FGF14: variants seen among roughly 807,000 people sequenced by gnomAD.
FGF14 encodes fibroblast growth factor homologous factor 4.
Under a neutral mutation model 25.5 loss-of-function variants are expected in FGF14, and 5 were observed. The ratio of observed to expected loss-of-function variants is 0.20; its 90% CI spans 0.10 to 0.41. FGF14 has a LOEUF of 0.41. FGF14 is among the 10% of genes least tolerant of loss of function. The probability of loss-of-function intolerance (pLI) is 1.00; values close to 1 mark genes in which losing one functional copy is unlikely to be tolerated. For synonymous variants in FGF14, 138 were observed against 118.3 expected (o/e 1.17, Z -1.08); for missense variants, 222 against 320.1 (o/e 0.69, Z 2.34).
intron 1 of FGF14, among the ~76,000 whole-genome samples, chr13:102,254,072 A>G (rs140336062): frequency 0.012 from 1,869 of 152,302 alleles, 16 homozygotes; most frequent in Non-Finnish European, 0.022. Flanking sequence ...TAAGGTTTCC[A>G]CCCCAGCAAG....
At chr13:101,859,799 T>G (rs749253676) in intron 3 of FGF14, among the ~76,000 whole-genome samples, 1 of 152,108 alleles carries the variant, frequency 6.6e-6, no homozygotes, top group Non-Finnish European at 1.5e-5. Flanking sequence ...ATGTAACTGC[T>G]GATCACCTCT....
chr13:102,310,105 T>C (rs1285702835), intron 1 of FGF14, among the ~76,000 whole-genome samples: 1 of 152,216 alleles, frequency 6.6e-6, no homozygotes, highest in Non-Finnish European at 1.5e-5. Context: ...CCTTCTATAA[T>C]AGCTCTGTCA....
At chr13:102,143,818 C>G (rs1358133022) in intron 1 of FGF14, among the ~76,000 whole-genome samples, 2 of 152,118 alleles carry the variant, frequency 1.3e-5, no homozygotes, top group African/African-American at 4.8e-5. Flanking sequence ...AGTGGATCTT[C>G]CAGAGCCTGG....
intron 1 of FGF14, among the ~76,000 whole-genome samples, chr13:102,267,920 A>G (rs2053067295): frequency 6.6e-6 from 1 of 152,130 alleles, no homozygotes; most frequent in African/African-American, 2.4e-5. Flanking sequence ...GAAGCTGGTT[A>G]GGTGAGCTGA....
chr13:102,332,637 T>C (rs570626227), intron 1 of FGF14, among the ~76,000 whole-genome samples: 4 of 152,202 alleles, frequency 2.6e-5, no homozygotes, highest in African/African-American at 2.4e-5. Context: ...TGTCCTCAAA[T>C]ACATCATCCA....
chr13:102,212,034 GCTCCTTCGTTTC>G (rs2050182500), intron 1 of FGF14, among the ~76,000 whole-genome samples: 2 of 152,068 alleles, frequency 1.3e-5, no homozygotes, highest in African/African-American at 4.8e-5. Context: ...AGCACTTAGG[GCTCCTTCGTTTC>G]CAGGTTTTCT....
chr13:101,990,935 C>T (rs577455475), intron 1 of FGF14, among the ~76,000 whole-genome samples: 145 of 152,142 alleles, frequency 9.5e-4, no homozygotes, highest in African/African-American at 3.3e-3. Context: ...ATCGACAGAA[C>T]ATCTAGCACA....
chr13:101,895,370 A>C (rs2138930927), intron 1 of FGF14, among the ~76,000 whole-genome samples: 1 of 152,314 alleles, frequency 6.6e-6, no homozygotes, highest in South Asian at 2.1e-4. Context: ...ATTTCAGTAT[A>C]TAAATCCAGG....
intron 3 of FGF14, among the ~76,000 whole-genome samples, chr13:101,854,983 T>C (rs2044048471): frequency 6.6e-6 from 1 of 152,006 alleles, no homozygotes; most frequent in South Asian, 2.1e-4. Flanking sequence ...TTTATGTGTG[T>C]ACCCTTCCCA....
At chr13:101,932,074 A>C (rs2034788738) in intron 1 of FGF14, among the ~76,000 whole-genome samples, 1 of 152,198 alleles carries the variant, frequency 6.6e-6, no homozygotes, top group Admixed American at 6.5e-5. Context: ...ATCTTTTCAA[A>C]GATTTTGTGG....
intron 3 of FGF14, among the ~76,000 whole-genome samples, chr13:101,803,820 A>G (rs2041043008): frequency 6.6e-6 from 1 of 152,188 alleles, no homozygotes; most frequent in Admixed American, 6.6e-5. Context: ...CACGAATTCA[A>G]TCTCAGACAT....
intron 1 of FGF14, among the ~76,000 whole-genome samples, chr13:102,030,272 C>T (rs1016982768): frequency 6.6e-6 from 1 of 152,026 alleles, no homozygotes; most frequent in East Asian, 1.9e-4. Context: ...AGTTAATATG[C>T]TTTTCTAATC....
intron 1 of FGF14, among the ~76,000 whole-genome samples, chr13:101,890,800 A>C (rs1369768290): frequency 3.3e-5 from 5 of 152,182 alleles, no homozygotes; most frequent in Admixed American, 6.5e-5. Context: ...CATCTGCAGC[A>C]CTGACTCCGG....
intron 1 of FGF14, among the ~76,000 whole-genome samples, chr13:102,003,795 T>C (rs1445083085): frequency 2.0e-5 from 3 of 152,106 alleles, no homozygotes; most frequent in Non-Finnish European, 4.4e-5. Flanking sequence ...AAAAATGGCA[T>C]CCTCTAGTTG....
At chr13:102,072,211 G>C (rs551988720) in intron 1 of FGF14, among the ~76,000 whole-genome samples, 81 of 152,224 alleles carry the variant, frequency 5.3e-4, no homozygotes, top group African/African-American at 1.8e-3. Flanking sequence ...GGAATTTCAG[G>C]ACACAAAATT....
chr13:101,882,382 T>C (rs1025554990), intron 1 of FGF14, among the ~76,000 whole-genome samples: 17 of 152,230 alleles, frequency 1.1e-4, no homozygotes, highest in South Asian at 6.2e-4. Flanking sequence ...TGCATTTTTA[T>C]GTAACAAAAT....
At chr13:102,070,999 G>A (rs2043133566) in intron 1 of FGF14, among the ~76,000 whole-genome samples, 1 of 151,854 alleles carries the variant, frequency 6.6e-6, no homozygotes, top group South Asian at 2.1e-4. Flanking sequence ...ATCACTGAAA[G>A]GTTTTCTAAG....
intron 1 of FGF14, among the ~76,000 whole-genome samples, chr13:101,896,251 T>G (rs1381055430): frequency 6.6e-6 from 1 of 152,162 alleles, no homozygotes; most frequent in African/African-American, 2.4e-5. Context: ...CTTGCCTTTT[T>G]CTTGCCCCAA....
intron 3 of FGF14, among the ~76,000 whole-genome samples, chr13:101,749,075 T>A (rs1443399344): frequency 6.6e-6 from 1 of 152,076 alleles, no homozygotes; most frequent in South Asian, 2.1e-4. Flanking sequence ...ACAAATACTA[T>A]ACAAATCCAC....
Sources: gnomAD v4.1 joint callset for allele counts (sites outside exome capture counted in the v4.1 genomes callset) on GRCh38, gnomAD v4.1.1 for gene constraint, MANE v1.5 for transcripts, NCBI Gene and HGNC (gene_info 2026-07-23, HGNC 2026-07-21) for gene names.